The following RUNX2 variants were observed in gnomAD, a reference collection of about 807,000 sequenced individuals.
RUNX2 encodes the protein RUNX family transcription factor 2, also known as runt-related transcription factor 2.
RUNX2 carries 10 observed loss-of-function variants against 51.7 expected under a neutral mutation model. That is an observed-to-expected ratio of 0.19 (90% CI 0.12 to 0.33). The LOEUF is 0.33. Ranked by LOEUF, RUNX2 falls within the 10% of genes least tolerant of loss-of-function variation. RUNX2 has a pLI of 1.00. For synonymous variants in RUNX2, 276 were observed against 273.6 expected (o/e 1.01, Z -0.09); for missense variants, 562 against 691.3 (o/e 0.81, Z 2.10).
At chr6:45,365,539 T>C (rs566334949) in intron 2 of RUNX2, among the ~76,000 whole-genome samples, 1 of 151,604 alleles carries the variant, frequency 6.6e-6, no homozygotes, top group Non-Finnish European at 1.5e-5. Context: ...ATAAATACTT[T>C]AGCACCTATT....
At chr6:45,530,766 T>A (rs1801817135) in intron 7 of RUNX2, among the ~76,000 whole-genome samples, 1 of 152,150 alleles carries the variant, frequency 6.6e-6, no homozygotes, top group African/African-American at 2.4e-5. Flanking sequence ...GACTATTGGG[T>A]CCTCTGTAAC....
chr6:45,454,038 GA>G lies in RUNX2; in HGVS notation c.685+15988del, dbSNP rs150806737. 6.3e-3 allele frequency among the ~76,000 whole-genome samples: 967 copies of G among 152,326 alleles called. 9 individuals carry two copies. The highest frequency in any genetic ancestry group is 0.022 in the African/African-American group (907 of 41,570). ...GGTAGAGCCAAATAGCCTGAATGAAGAGAAGGAGAGATGCCTCTTCCTTTGC... is the reference window on the plus strand; with the variant it reads ...GGTAGAGCCAAATAGCCTGAATGAAGGAAGGAGAGATGCCTCTTCCTTTGC... On this transcript the variant is annotated intron_variant, in intron 5 of 8. Transcript: ENST00000647337.
chr6:45,421,410 CA>C (rs1295854295), intron 2 of RUNX2: 1 of 152,062 alleles, frequency 6.6e-6, no homozygotes, highest in Non-Finnish European at 1.5e-5. Flanking sequence ...CCCCCCTCCT[CA>C]TTTTTTTTGT....
intron 7 of RUNX2, among the ~76,000 whole-genome samples, chr6:45,515,400 G>A (rs56790996): frequency 0.049 from 7,473 of 152,190 alleles, 341 homozygotes; most frequent in African/African-American, 0.12. Context: ...CATATAAAGT[G>A]TTTAGAACTG....
At chr6:45,343,842 T>C (rs1037709065) in intron 2 of RUNX2, among the ~76,000 whole-genome samples, 1 of 152,188 alleles carries the variant, frequency 6.6e-6, no homozygotes, top group Non-Finnish European at 1.5e-5. Context: ...ACTCACCTTC[T>C]AGGTGCTTAA....
chr6:45,485,693 G>GTATATATATATATATATATATATA (rs1257977356), intron 5 of RUNX2, among the ~76,000 whole-genome samples: 18 of 101,856 alleles, frequency 1.8e-4, no homozygotes, highest in East Asian at 1.0e-3. Flanking sequence ...GTGTGTGTGT[G>GTATATATATATATATATATATATA]TGTGTATATA....
intron 2 of RUNX2, chr6:45,422,151 T>G (rs1798216635): frequency 6.1e-6 from 1 of 163,112 alleles, no homozygotes; most frequent in Admixed American, 6.5e-5. Context: ...GGGGCTGGAC[T>G]GCTGAACCCA....
At chr6:45,493,084 A>G (rs919503340) in intron 6 of RUNX2, among the ~76,000 whole-genome samples, 4 of 152,236 alleles carry the variant, frequency 2.6e-5, no homozygotes, top group African/African-American at 7.2e-5. Flanking sequence ...GTTTATAAGC[A>G]GAATGACCTA....
At chr6:45,403,837 A>G (rs1393156416) in intron 2 of RUNX2, among the ~76,000 whole-genome samples, 2 of 152,192 alleles carry the variant, frequency 1.3e-5, no homozygotes, top group Non-Finnish European at 2.9e-5. Flanking sequence ...ATGGTAAACT[A>G]TCAGAGAAAT....
At chr6:45,444,465 T>C (rs964143627) in intron 5 of RUNX2, among the ~76,000 whole-genome samples, 1 of 152,170 alleles carries the variant, frequency 6.6e-6, no homozygotes, top group Non-Finnish European at 1.5e-5. Context: ...GGCTGCAACA[T>C]TTCTCTGCTT....
intron 2 of RUNX2, among the ~76,000 whole-genome samples, chr6:45,398,921 A>G (rs1012741569): frequency 6.6e-6 from 1 of 152,250 alleles, no homozygotes; most frequent in Non-Finnish European, 1.5e-5. Context: ...TGAAAAGCCT[A>G]TATTTAATAT....
At chr6:45,420,724 C>T (rs1798162748) in intron 2 of RUNX2, among the ~76,000 whole-genome samples, 3 of 152,178 alleles carry the variant, frequency 2.0e-5, no homozygotes, top group Non-Finnish European at 4.4e-5. Flanking sequence ...GAGGGTAAAA[C>T]GGCCCTGTGC....
chr6:45,349,567 T>C (rs774822760), intron 2 of RUNX2, among the ~76,000 whole-genome samples: 1 of 152,228 alleles, frequency 6.6e-6, no homozygotes, highest in Non-Finnish European at 1.5e-5. Flanking sequence ...AGCAGTTTAA[T>C]GGTTCAGCAA....
At chr6:45,384,019 A>C (rs1797295697) in intron 2 of RUNX2, among the ~76,000 whole-genome samples, 1 of 152,220 alleles carries the variant, frequency 6.6e-6, no homozygotes, top group African/African-American at 2.4e-5. Context: ...CTCTTTCCAG[A>C]ATATGTTTAA....
chr6:45,411,843 A>G (rs759522632), intron 2 of RUNX2, among the ~76,000 whole-genome samples: 3 of 152,202 alleles, frequency 2.0e-5, no homozygotes, highest in Non-Finnish European at 2.9e-5. Flanking sequence ...ACTATATTCA[A>G]TGAAACTACT....
At chr6:45,397,027 T>C (rs536735482) in intron 2 of RUNX2, among the ~76,000 whole-genome samples, 7 of 152,290 alleles carry the variant, frequency 4.6e-5, no homozygotes, top group Admixed American at 1.3e-4. Context: ...TATATATATG[T>C]AGTATATATG....
Position 45,518,891 on chromosome 6 carries a change from G to A in RUNX2, c.1021+6484G>A, listed in dbSNP as rs540420295. Reference sequence around the variant, plus strand: ...CGATAGATACAGTGGCTTCTGCAGTGCACTGGGGTCTGAGAAGAGGGGGCG... The same window carrying A: ...CGATAGATACAGTGGCTTCTGCAGTACACTGGGGTCTGAGAAGAGGGGGCG... On this transcript the variant is annotated intron_variant, in intron 7 of 8. Coordinates refer to ENST00000647337, the MANE Select transcript of RUNX2 (RefSeq NM_001024630.4). Among the ~76,000 whole-genome samples, 4 of 152,286 alleles carry A rather than the reference G, an allele frequency of 2.6e-5. No homozygotes were observed. The East Asian group carries it at 5.8e-4, about 22-fold the overall frequency.
At chr6:45,451,020 G>A (rs766975501) in intron 5 of RUNX2, among the ~76,000 whole-genome samples, 3 of 152,168 alleles carry the variant, frequency 2.0e-5, no homozygotes, top group Non-Finnish European at 2.9e-5. Context: ...TTAAGGCTTC[G>A]AGGACAGGAT....
At chr6:45,405,270 C>A (rs1162062140) in intron 2 of RUNX2, among the ~76,000 whole-genome samples, 1 of 152,238 alleles carries the variant, frequency 6.6e-6, no homozygotes, top group Non-Finnish European at 1.5e-5. Flanking sequence ...TTTAATACTT[C>A]CGGCAGCAAA....
Sources: allele counts gnomAD v4.1 joint callset (sites outside exome capture counted in the v4.1 genomes callset), GRCh38; gene constraint gnomAD v4.1.1; transcripts MANE v1.5; gene names NCBI Gene and HGNC (gene_info 2026-07-23, HGNC 2026-07-21).